The following FHIT variants were observed in gnomAD, a reference collection of about 807,000 sequenced individuals.
The protein encoded by FHIT is fragile histidine triad diadenosine triphosphatase.
In FHIT, 19 loss-of-function variants were observed where a neutral mutation model predicts 17.9. The ratio of observed to expected loss-of-function variants is 1.06; its 90% CI spans 0.74 to 1.56. FHIT has a LOEUF of 1.56. Ranked by LOEUF, FHIT falls within the 40% of genes most tolerant of loss-of-function variation. The probability of loss-of-function intolerance (pLI) is 0.00; values close to 1 mark genes in which losing one functional copy is unlikely to be tolerated. For missense variants in FHIT, 248 were observed against 189.2 expected, an observed-to-expected ratio of 1.31 and a Z score of -1.82; for synonymous variants, 81 against 69.7, an observed-to-expected ratio of 1.16 and a Z score of -0.81.
intron 5 of FHIT, among the ~76,000 whole-genome samples, chr3:60,248,923 T>G (rs1468117913): frequency 6.6e-6 from 1 of 152,162 alleles, no homozygotes; most frequent in African/African-American, 2.4e-5. Context: ...ACCTGGAGAA[T>G]GCTGCACAAA....
chr3:61,098,217 A>T (rs1462849214), intron 2 of FHIT, among the ~76,000 whole-genome samples: 1 of 152,132 alleles, frequency 6.6e-6, no homozygotes, highest in East Asian at 1.9e-4. Context: ...TCCTTTCCCC[A>T]TTGCTTGTTT....
chr3:60,537,087 G>T, intron 4 of FHIT, 108 bp from the exon 5 acceptor site: 1 of 869,344 alleles, frequency 1.2e-6, no homozygotes. Context: ...GTTGCAGAGA[G>T]GATGCCATTG....
intron 3 of FHIT, among the ~76,000 whole-genome samples, chr3:60,824,350 T>G (rs2106783276): frequency 6.6e-6 from 1 of 152,208 alleles, no homozygotes; most frequent in East Asian, 1.9e-4. Flanking sequence ...GTACATAGAA[T>G]TAAATTAGAA....
rs1295354389 is a variant in FHIT at position 60,418,374 on chromosome 3, GTGTATATA to G, written c.103+118478_103+118485del. Among the ~76,000 whole-genome samples, 6 of 2,360 alleles carry G rather than the reference GTGTATATA, an allele frequency of 2.5e-3. No individual in the cohort carries two copies. The Admixed American group carries it at 0.05, about 20-fold the overall frequency. The allele number at this position is 2,360 out of a possible 152,430, so 1.5% of individuals were successfully genotyped here. On this transcript the variant is annotated intron_variant, in intron 5 of 9. Transcript: ENST00000492590. ...AACCTATATATATGTATCTGAATGT[GTGTATATA>G]TATATATATATATATATATATATAT...
chr3:60,334,243 T>A (rs138433205), intron 5 of FHIT, among the ~76,000 whole-genome samples: 159 of 152,294 alleles, frequency 1.0e-3, no homozygotes, highest in African/African-American at 3.7e-3. Flanking sequence ...GTACAAAGAT[T>A]TGGACTTGGA....
intron 5 of FHIT, among the ~76,000 whole-genome samples, chr3:60,071,056 G>C (rs1702747261): frequency 6.6e-6 from 1 of 152,132 alleles, no homozygotes; most frequent in African/African-American, 2.4e-5. Flanking sequence ...CCTTCTTATA[G>C]GATCCTCCCT....
At position 60,103,048 on chromosome 3, in the gene FHIT, A is replaced by G. The variant is rs535135204; in HGVS notation, c.104-88896T>C. On this transcript the variant is annotated intron_variant, in intron 5 of 9. Coordinates refer to ENST00000492590, the MANE Select transcript of FHIT (RefSeq NM_002012.4). ...TAGTATAGAAATTATGAAGCTTAAG[A>G]CCCCATTGCTTCTTTTTAATAAAAG... Among the ~76,000 whole-genome samples the G allele has an allele frequency of 2.6e-5, 4 of 152,188 alleles. No individual in the cohort carries two copies. The South Asian group carries it at 6.2e-4, about 24-fold the overall frequency.
rs548007007 is a variant in FHIT, at chr3:60,935,702, TA to T, written c.-111+106344del. 4.6e-5 allele frequency among the ~76,000 whole-genome samples: 7 copies of T among 152,280 alleles called. No individual in the cohort carries two copies. The South Asian group carries it at 1.0e-3, about 23-fold the overall frequency. ...TGTGACCCTATCATTCCAAACAAAA[TA>T]TTTTCTCAGATAAGAATTAGAATTG... is the stretch of plus-strand genomic sequence containing the variant. On this transcript the variant is annotated intron_variant, in intron 3 of 9. Coordinates refer to ENST00000492590, the MANE Select transcript of FHIT (RefSeq NM_002012.4).
In FHIT at chr3:60,866,020, A is replaced by G. The variant is rs552010376; in HGVS notation, c.-110-44009T>C. ...TCGGGGAAGCATTCAACAAGTAGGA[A>G]AGAAGTCTGCTCAGATGGAGGCCCT... On this transcript the variant is annotated intron_variant, in intron 3 of 9. Coordinates refer to ENST00000492590, the MANE Select transcript of FHIT (RefSeq NM_002012.4). Among the ~76,000 whole-genome samples the G allele has an allele frequency of 3.9e-5, 6 of 152,206 alleles. No individual in the cohort carries two copies. In the East Asian group the frequency reaches 1.2e-3, roughly 29 times the overall value.
chr3:60,495,020 T>C (rs1208892318), intron 5 of FHIT, among the ~76,000 whole-genome samples: 1 of 152,178 alleles, frequency 6.6e-6, no homozygotes, highest in African/African-American at 2.4e-5. Context: ...GTGTTAGCTC[T>C]ACTTTTAGTT....
chr3:60,703,817 G>T (rs375484528), intron 4 of FHIT, among the ~76,000 whole-genome samples: 14 of 151,922 alleles, frequency 9.2e-5, no homozygotes, highest in East Asian at 3.9e-4. Context: ...AACTATCTGG[G>T]CCTGGTGCCT....
At chr3:61,129,712 C>T (rs1425425040) in intron 2 of FHIT, among the ~76,000 whole-genome samples, 1 of 152,158 alleles carries the variant, frequency 6.6e-6, no homozygotes, top group Non-Finnish European at 1.5e-5. Flanking sequence ...CTACTATACA[C>T]CTATGTCCAT....
intron 4 of FHIT, among the ~76,000 whole-genome samples, chr3:60,773,886 C>A (rs1700128727): frequency 6.6e-6 from 1 of 152,190 alleles, no homozygotes; most frequent in African/African-American, 2.4e-5. Context: ...ATCATTTTGC[C>A]TTTAATCATC....
At chr3:60,530,906 T>C (rs2035753300) in intron 5 of FHIT, among the ~76,000 whole-genome samples, 2 of 152,182 alleles carry the variant, frequency 1.3e-5, no homozygotes, top group East Asian at 1.9e-4. Flanking sequence ...CCATGTACTC[T>C]AATAACCCAA....
chr3:61,220,276 C>T (rs1044080108), intron 1 of FHIT, among the ~76,000 whole-genome samples: 1 of 152,148 alleles, frequency 6.6e-6, no homozygotes, highest in South Asian at 2.1e-4. Flanking sequence ...TCCTGCATAT[C>T]GGTGAAAACC....
chr3:60,271,894 C>A (rs1167715541), intron 5 of FHIT, among the ~76,000 whole-genome samples: 1 of 152,230 alleles, frequency 6.6e-6, no homozygotes, highest in African/African-American at 2.4e-5. Flanking sequence ...TTAACATTTT[C>A]TGAAAACTTA....
intron 9 of FHIT, chr3:59,751,585 A>G (rs1019919523): frequency 4.1e-5 from 8 of 194,376 alleles, no homozygotes; most frequent in African/African-American, 1.6e-4. Flanking sequence ...GGCTATAGCT[A>G]TCTTTCTACC....
At chr3:59,835,623 A>T (rs551820513) in intron 8 of FHIT, among the ~76,000 whole-genome samples, 72 of 152,278 alleles carry the variant, frequency 4.7e-4, no homozygotes, top group African/African-American at 1.7e-3. Flanking sequence ...GAATACTCTG[A>T]GGATTAAAGA....
At chr3:60,537,907 C>G (rs978215493) in intron 4 of FHIT, among the ~76,000 whole-genome samples, 3 of 151,966 alleles carry the variant, frequency 2.0e-5, no homozygotes, top group Non-Finnish European at 4.4e-5. Context: ...GATCAATCTA[C>G]AGAAAAACAG....
Sources: allele counts gnomAD v4.1 joint callset (sites outside exome capture counted in the v4.1 genomes callset), GRCh38; gene constraint gnomAD v4.1.1; transcripts MANE v1.5; gene names NCBI Gene and HGNC (gene_info 2026-07-23, HGNC 2026-07-21).